The following PLCL2 variants were observed in gnomAD, a reference collection of about 807,000 sequenced individuals.
PLCL2 encodes inactive phospholipase C-like protein 2.
In PLCL2, 4 loss-of-function variants were observed where a neutral mutation model predicts 79.6. The ratio of observed to expected loss-of-function variants is 0.05; its 90% CI spans 0.02 to 0.11. The LOEUF (loss-of-function observed/expected upper bound fraction) is 0.11. Ranked by LOEUF, PLCL2 falls within the 10% of genes least tolerant of loss-of-function variation. The probability of loss-of-function intolerance (pLI) is 1.00; values close to 1 mark genes in which losing one functional copy is unlikely to be tolerated. For synonymous variants in PLCL2, 484 were observed against 457.7 expected (o/e 1.06, Z -0.73); for missense variants, 895 against 1,291.0 (o/e 0.69, Z 4.70).
rs73035198 is a variant in PLCL2, at chr3:16,919,233, G to C, written c.327+33867G>C. ...AGTGCCTTTATATACTAGCTAGTTT[G>C]AAGTCTAGGCACTGCATTATTTTTG... is the stretch of plus-strand genomic sequence containing the variant. On this transcript the variant is annotated intron_variant, in intron 1 of 5. Coordinates refer to ENST00000615277, the MANE Select transcript of PLCL2 (RefSeq NM_001144382.2). Among the ~76,000 whole-genome samples the C allele has an allele frequency of 8.5e-3, 1,295 of 152,216 alleles. 15 individuals carry two copies. Among genetic ancestry groups the C allele is most frequent in the Non-Finnish European group, 0.014 (933 of 67,982 alleles).
At chr3:16,979,692 T>A (rs1051914042) in intron 1 of PLCL2, among the ~76,000 whole-genome samples, 1 of 145,726 alleles carries the variant, frequency 6.9e-6, no homozygotes, top group East Asian at 2.0e-4. Context: ...GGCAGAAGAA[T>A]TTTTCTTAGT....
intron 1 of PLCL2, among the ~76,000 whole-genome samples, chr3:16,927,968 G>A (rs758740859): frequency 1.2e-4 from 19 of 152,194 alleles, no homozygotes; most frequent in Non-Finnish European, 2.5e-4. Flanking sequence ...ACAGCAGCCC[G>A]TTTTTCAAAG....
At chr3:16,979,024 C>T (rs1177017336) in intron 1 of PLCL2, among the ~76,000 whole-genome samples, 1 of 152,174 alleles carries the variant, frequency 6.6e-6, no homozygotes, top group African/African-American at 2.4e-5. Context: ...TTCACAGCAC[C>T]AGCAATTTGT....
intron 1 of PLCL2, among the ~76,000 whole-genome samples, chr3:16,918,351 CTT>C (rs768555448): frequency 1.3e-5 from 2 of 152,112 alleles, no homozygotes; most frequent in Admixed American, 6.6e-5. Flanking sequence ...ACAGAGAAGA[CTT>C]TAACTATTAA....
intron 1 of PLCL2, among the ~76,000 whole-genome samples, chr3:16,958,555 G>C (rs556018629): frequency 4.1e-4 from 63 of 152,270 alleles, no homozygotes; most frequent in African/African-American, 1.5e-3. Flanking sequence ...ATTGAAATGA[G>C]TGACATTTTG....
intron 3 of PLCL2, among the ~76,000 whole-genome samples, chr3:17,023,487 T>C (rs1229002827): frequency 1.3e-5 from 2 of 152,196 alleles, no homozygotes. Flanking sequence ...TGAATAAGTC[T>C]CATGAAACCT....
intron 1 of PLCL2, among the ~76,000 whole-genome samples, chr3:16,994,062 T>C (rs547261922): frequency 6.6e-6 from 1 of 152,340 alleles, no homozygotes; most frequent in East Asian, 1.9e-4. Context: ...ACAAGATTCA[T>C]TGAAGCAGTT....
chr3:16,922,024 G>T (rs1697135091), intron 1 of PLCL2, among the ~76,000 whole-genome samples: 2 of 152,148 alleles, frequency 1.3e-5, no homozygotes, highest in South Asian at 4.1e-4. Flanking sequence ...TAAAAAGAAT[G>T]TGATACAACA....
chr3:17,066,859 T>G (rs2065015587), intron 4 of PLCL2, among the ~76,000 whole-genome samples: 1 of 152,188 alleles, frequency 6.6e-6, no homozygotes, highest in South Asian at 2.1e-4. Flanking sequence ...CACATTTGAT[T>G]ATATTTGCAA....
At chr3:16,948,922 G>T (rs1451276385) in intron 1 of PLCL2, among the ~76,000 whole-genome samples, 1 of 152,172 alleles carries the variant, frequency 6.6e-6, no homozygotes, top group Non-Finnish European at 1.5e-5. Flanking sequence ...GCTGTGCATT[G>T]TCTCGAGGTC....
chr3:17,077,727 G>A (rs931577866), intron 5 of PLCL2, among the ~76,000 whole-genome samples: 1 of 152,126 alleles, frequency 6.6e-6, no homozygotes, highest in African/African-American at 2.4e-5. Flanking sequence ...AACTCACTCT[G>A]GCCAGCTCAC....
intron 5 of PLCL2, among the ~76,000 whole-genome samples, chr3:17,071,741 T>G (rs991004331): frequency 3.9e-5 from 6 of 152,372 alleles, no homozygotes; most frequent in African/African-American, 1.4e-4. Flanking sequence ...TTTTTATTTC[T>G]TAGTGCTACA....
At chr3:17,037,916 A>G (rs2064674628) in intron 3 of PLCL2, among the ~76,000 whole-genome samples, 1 of 152,070 alleles carries the variant, frequency 6.6e-6, no homozygotes, top group African/African-American at 2.4e-5. Context: ...CTAGTAATAT[A>G]TAATATATTT....
intron 1 of PLCL2, among the ~76,000 whole-genome samples, chr3:16,915,750 T>C (rs184211377): frequency 1.1e-3 from 163 of 152,298 alleles, no homozygotes; most frequent in African/African-American, 3.8e-3. Flanking sequence ...ATTTTGACAT[T>C]ATTTGGGTCA....
At chr3:16,948,875 C>T (rs2063625011) in intron 1 of PLCL2, among the ~76,000 whole-genome samples, 1 of 152,094 alleles carries the variant, frequency 6.6e-6, no homozygotes, top group South Asian at 2.1e-4. Flanking sequence ...AATGAAGGTA[C>T]ATAAACTATT....
chr3:16,930,011 G>A (rs1697355798), intron 1 of PLCL2, among the ~76,000 whole-genome samples: 1 of 152,146 alleles, frequency 6.6e-6, no homozygotes, highest in African/African-American at 2.4e-5. Context: ...CGTGGGAGGT[G>A]AGTTGCCCAA....
At chr3:16,909,081 A>G (rs1431742852) in intron 1 of PLCL2, among the ~76,000 whole-genome samples, 1 of 152,234 alleles carries the variant, frequency 6.6e-6, no homozygotes, top group Non-Finnish European at 1.5e-5. Context: ...CAGGAGTAAT[A>G]TAGAAGAGCT....
chr3:16,914,683 G>T (rs1696953088), intron 1 of PLCL2, among the ~76,000 whole-genome samples: 1 of 150,416 alleles, frequency 6.6e-6, no homozygotes, highest in Admixed American at 6.6e-5. Flanking sequence ...AGGATTTAGG[G>T]GGTATGTGTG....
At chr3:16,890,551 TTTATAC>T (rs1696322129) in intron 1 of PLCL2, among the ~76,000 whole-genome samples, 1 of 152,228 alleles carries the variant, frequency 6.6e-6, no homozygotes, top group Admixed American at 6.5e-5. Flanking sequence ...TTCTTCAGAC[TTTATAC>T]TTATGTGTTC....
Sources: allele counts gnomAD v4.1 joint callset (sites outside exome capture counted in the v4.1 genomes callset), GRCh38; gene constraint gnomAD v4.1.1; transcripts MANE v1.5; gene names NCBI Gene and HGNC (gene_info 2026-07-23, HGNC 2026-07-21).